The following CREM variants were observed in gnomAD, a reference collection of about 807,000 sequenced individuals.
The protein encoded by CREM is cAMP-responsive element modulator.
Under a neutral mutation model 37.3 loss-of-function variants are expected in CREM, and 13 were observed. The observed-to-expected ratio is 0.35, with a 90% CI of 0.23 to 0.55. CREM has a LOEUF of 0.55. Among genes scored for constraint, CREM ranks in the 20% least tolerant of loss-of-function variants. The probability of loss-of-function intolerance (pLI) is 0.88; values close to 1 mark genes in which losing one functional copy is unlikely to be tolerated. For synonymous variants in CREM, 124 were observed against 120.2 expected (o/e 1.03, Z -0.21); for missense variants, 296 against 362.3 (o/e 0.82, Z 1.49).
chr10:35,201,953 A>G (rs940490214), intron 6 of CREM, among the ~76,000 whole-genome samples: 2 of 152,226 alleles, frequency 1.3e-5, no homozygotes, highest in African/African-American at 2.4e-5. Flanking sequence ...CATACAGCAC[A>G]CATTAACTCA....
chr10:35,210,485 A>C (rs988705820), intron 7 of CREM: 5 of 152,134 alleles, frequency 3.3e-5, no homozygotes, highest in African/African-American at 1.2e-4. Flanking sequence ...AATATATTGG[A>C]TATTAAATGC....
chr10:35,139,104 ATT>A, intron 2 of CREM, among the ~76,000 whole-genome samples: 1 of 150,562 alleles, frequency 6.6e-6, no homozygotes, highest in Non-Finnish European at 1.5e-5. Context: ...TTGTTTGTAA[ATT>A]TAAATATCTC....
intron 6 of CREM, among the ~76,000 whole-genome samples, chr10:35,198,016 C>T (rs1472232810): frequency 1.3e-5 from 2 of 152,134 alleles, no homozygotes; most frequent in East Asian, 1.9e-4. Flanking sequence ...TAATTCTTAT[C>T]CTTACAAAAT....
chr10:35,209,255 G>A (rs2095610305), intron 7 of CREM: 5 of 923,562 alleles, frequency 5.4e-6, no homozygotes, highest in South Asian at 5.0e-5. Context: ...ATCTATAATC[G>A]ATATCTCATT....
At chr10:35,167,521 C>T (rs1260788070) in intron 3 of CREM, 2 of 563,576 alleles carry the variant, frequency 3.5e-6, no homozygotes, top group Admixed American at 3.2e-5. Context: ...CATCATAAAC[C>T]CCATCGTGAG....
chr10:35,200,132 C>T (rs2095340840), intron 6 of CREM, among the ~76,000 whole-genome samples: 2 of 152,164 alleles, frequency 1.3e-5, no homozygotes, highest in Non-Finnish European at 2.9e-5. Context: ...AAGCGATCCA[C>T]CCGCCTCAGC....
intron 5 of CREM, among the ~76,000 whole-genome samples, chr10:35,180,954 G>T (rs1409297839): frequency 6.6e-6 from 1 of 152,236 alleles, no homozygotes; most frequent in Non-Finnish European, 1.5e-5. Context: ...AAGGTTGGAA[G>T]TGACTGCTGA....
At position 35,148,484 on chromosome 10, in the gene CREM, T is replaced by C. The variant is rs1235839339; in HGVS notation, c.161T>C (p.Leu54Ser). 1 of 1,611,272 alleles carries C rather than the reference T, an allele frequency of 6.2e-7. No individual in the cohort carries two copies. Among genetic ancestry groups the C allele is most frequent in the Admixed American group, 1.7e-5 (1 of 59,474 alleles). Residue 54 changes from leucine (L) to serine (S), a missense_variant, in exon 3 of 8, where the codon TTA (leucine) becomes TCA (serine). Physicochemically the swap from Leu to Ser is moderately radical, Grantham distance 145. This residue lies in a region of CREM where 257 missense variants were observed against 280.2 expected (regional missense o/e 0.92). Coordinates refer to ENST00000685392, the MANE Select transcript of CREM (RefSeq NM_183011.2). Reference protein sequence around the residue: ...TQTGQNSIPALAQVAAIAETD... With the variant: ...TQTGQNSIPASAQVAAIAETD... Reference sequence around the variant, plus strand: ...ACTGGCCAAAATTCAATCCCTGCTTTAGCTCAGGTAGGCAATAGGCAGGCA... The same window carrying C: ...ACTGGCCAAAATTCAATCCCTGCTTCAGCTCAGGTAGGCAATAGGCAGGCA...
At chr10:35,196,185 A>ACTCTTACTCCATC in intron 6 of CREM, 4 of 1,376,138 alleles carry the variant, frequency 2.9e-6, no homozygotes, top group Admixed American at 1.8e-5. Flanking sequence ...CGGGTTCTTT[A>ACTCTTACTCCATC]CTCTTACTCC....
At chr10:35,162,858 A>G (rs923927125) in intron 3 of CREM, among the ~76,000 whole-genome samples, 1 of 152,200 alleles carries the variant, frequency 6.6e-6, no homozygotes, top group African/African-American at 2.4e-5. Flanking sequence ...TGTGAGATTA[A>G]ACACTTTCTT....
At chr10:35,204,050 C>G (rs16935910) in intron 6 of CREM, among the ~76,000 whole-genome samples, 23,019 of 152,170 alleles carry the variant, frequency 0.15, 1,966 homozygotes, top group East Asian at 0.23. Context: ...TAACCTTCTT[C>G]CCTGGATGTG....
chr10:35,188,724 A>T (rs1391634738), intron 6 of CREM, among the ~76,000 whole-genome samples: 3 of 147,930 alleles, frequency 2.0e-5, no homozygotes, highest in Non-Finnish European at 4.4e-5. Flanking sequence ...CAATGGCGTG[A>T]TCTCGGCTCA....
chr10:35,204,956 C>A (rs1373710807), intron 6 of CREM, among the ~76,000 whole-genome samples: 10 of 152,188 alleles, frequency 6.6e-5, no homozygotes, highest in Non-Finnish European at 1.5e-5. Flanking sequence ...TCATGAAATA[C>A]AGAAATGCTG....
At chr10:35,154,335 A>G in intron 3 of CREM, 1 of 356,254 alleles carries the variant, frequency 2.8e-6, no homozygotes, top group Non-Finnish European at 5.0e-6. Flanking sequence ...CTCAAGCAAC[A>G]TTTTCTCTTG....
chr10:35,150,208 T>G (rs201040162), intron 3 of CREM, among the ~76,000 whole-genome samples: 5 of 152,136 alleles, frequency 3.3e-5, no homozygotes, highest in African/African-American at 1.2e-4. Flanking sequence ...CTTTTTTTTT[T>G]GGTAGAGACA....
At chr10:35,144,322 A>T (rs2091816595) in intron 2 of CREM, among the ~76,000 whole-genome samples, 1 of 152,178 alleles carries the variant, frequency 6.6e-6, no homozygotes, top group African/African-American at 2.4e-5. Context: ...GGTTGATCTC[A>T]TTCTGACTGA....
At chr10:35,168,949 C>T (rs1055899872) in intron 3 of CREM, among the ~76,000 whole-genome samples, 6 of 152,058 alleles carry the variant, frequency 3.9e-5, no homozygotes, top group South Asian at 2.1e-4. Context: ...TCTGTTCCAT[C>T]GGTCTGTATC....
intron 2 of CREM, among the ~76,000 whole-genome samples, chr10:35,143,044 T>TA (rs1306169478): frequency 2.0e-5 from 3 of 152,208 alleles, no homozygotes; most frequent in Non-Finnish European, 4.4e-5. Context: ...AATCTTGGCT[T>TA]ACTGCAACCT....
At chr10:35,190,109 T>G (rs1022539533) in intron 6 of CREM, among the ~76,000 whole-genome samples, 1 of 152,264 alleles carries the variant, frequency 6.6e-6, no homozygotes, top group African/African-American at 2.4e-5. Flanking sequence ...TCTTCTCATT[T>G]TATCTTTGTT....
Sources: allele counts gnomAD v4.1 joint callset (sites outside exome capture counted in the v4.1 genomes callset), GRCh38; gene constraint gnomAD v4.1.1; regional missense constraint gnomAD v4.1.1; transcripts MANE v1.5; gene names NCBI Gene and HGNC (gene_info 2026-07-23, HGNC 2026-07-21).